VRTN: variants seen among roughly 807,000 people sequenced by gnomAD.
VRTN encodes vertnin.
Under a neutral mutation model 18.2 loss-of-function variants are expected in VRTN, and 5 were observed. That is an observed-to-expected ratio of 0.27 (90% CI 0.14 to 0.58). The LOEUF (loss-of-function observed/expected upper bound fraction) is 0.58, where lower values mean the gene tolerates loss of function less well. Ranked by LOEUF, VRTN falls within the 20% of genes least tolerant of loss-of-function variation. The probability of loss-of-function intolerance (pLI) is 0.91; values close to 1 mark genes in which losing one functional copy is unlikely to be tolerated. For synonymous variants in VRTN, 381 were observed against 393.7 expected (o/e 0.97, Z 0.38); for missense variants, 741 against 939.4 (o/e 0.79, Z 2.76).
At chr14:74,346,515 G>T (rs1433080162), upstream of VRTN, among the ~76,000 whole-genome samples, 2 of 152,050 alleles carry the variant, frequency 1.3e-5, no homozygotes, top group Non-Finnish European at 2.9e-5. Flanking sequence ...GTGGACTCAA[G>T]CAATCCTCTG....
intron 2 of VRTN, among the ~76,000 whole-genome samples, chr14:74,342,755 C>T (rs2085615365): frequency 6.6e-6 from 1 of 151,966 alleles, no homozygotes; most frequent in Non-Finnish European, 1.5e-5. Flanking sequence ...GTTGGGACTA[C>T]AGGCGCATGA....
At chr14:74,354,628 C>T (rs1163528889) in intron 1 of VRTN, among the ~76,000 whole-genome samples, 5 of 151,896 alleles carry the variant, frequency 3.3e-5, no homozygotes, top group African/African-American at 1.2e-4. Flanking sequence ...TGGTCTCGAT[C>T]TCCTGAGCTC....
At chr14:74,338,074 CT>C (rs2085577382) in intron 2 of VRTN, among the ~76,000 whole-genome samples, 1 of 152,006 alleles carries the variant, frequency 6.6e-6, no homozygotes, top group Admixed American at 6.6e-5. Flanking sequence ...ATTCTTTTTT[CT>C]GATTAAAAAA....
Position 74,357,308 on chromosome 14 carries a change from C to T in VRTN, c.525C>T (p.His175=). The T allele has an allele frequency of 1.2e-6, 2 of 1,613,592 alleles. No homozygotes were observed. Among genetic ancestry groups the T allele is most frequent in the Non-Finnish European group, 1.7e-6 (2 of 1,179,536 alleles). The part of the protein sequence containing the change: ...CFPSSFSNVW[H]LYALASVLQR... Reference sequence around the variant, plus strand: ...CCAGCAGCTTCTCCAACGTGTGGCACTTGTATGCTCTCGCCTCTGTCCTCC... The same window carrying T: ...CCAGCAGCTTCTCCAACGTGTGGCATTTGTATGCTCTCGCCTCTGTCCTCC... The change falls in exon 2 of 2, where the codon CAC becomes CAT. Residue 175 remains histidine (H), a synonymous_variant. Coordinates refer to ENST00000256362, the MANE Select transcript of VRTN (RefSeq NM_018228.3). The surrounding 1 kb of genome is among the most constrained non-coding windows in gnomAD (Gnocchi z 7.8).
At chr14:74,335,270 G>T (rs2085556307) in intron 1 of VRTN, among the ~76,000 whole-genome samples, 1 of 152,190 alleles carries the variant, frequency 6.6e-6, no homozygotes, top group Non-Finnish European at 1.5e-5. Flanking sequence ...GACAGAGCAA[G>T]AAAGAATAAC....
rs567706023 is a variant in VRTN, at chr14:74,353,413, A to T, written c.-1-3370A>T. On this transcript the variant is annotated intron_variant, in intron 1 of 1. Transcript: ENST00000256362. Reference sequence around the variant, plus strand: ...TGGGGATAATGGTAGTACTTAAAGTATTAGTGTCAGGATTAGGACAGTGCA... The same window carrying T: ...TGGGGATAATGGTAGTACTTAAAGTTTTAGTGTCAGGATTAGGACAGTGCA... Among the ~76,000 whole-genome samples the T allele has an allele frequency of 5.9e-5, 9 of 152,326 alleles. No individual in the cohort carries two copies. The South Asian group carries it at 1.9e-3, about 32-fold the overall frequency.
At chr14:74,346,673 G>C (rs2085646503), upstream of VRTN, among the ~76,000 whole-genome samples, 1 of 152,178 alleles carries the variant, frequency 6.6e-6, no homozygotes, top group Non-Finnish European at 1.5e-5. Flanking sequence ...AATATACTGA[G>C]ATGTTAACAA....
At chr14:74,323,355 G>A (rs2085468000) in intron 1 of VRTN, among the ~76,000 whole-genome samples, 2 of 151,804 alleles carry the variant, frequency 1.3e-5, no homozygotes, top group Admixed American at 1.3e-4. Context: ...AGGCCGAGGC[G>A]GGCAGATCGC....
intron 1 of VRTN, among the ~76,000 whole-genome samples, chr14:74,319,294 A>G (rs8018937): frequency 0.17 from 26,097 of 152,148 alleles, 2,955 homozygotes; most frequent in East Asian, 0.49. Flanking sequence ...TTGGCCTCCC[A>G]AAGTGCTGGG....
At chr14:74,316,904 T>G (rs948406467) in intron 1 of VRTN, among the ~76,000 whole-genome samples, 9 of 152,050 alleles carry the variant, frequency 5.9e-5, no homozygotes, top group Non-Finnish European at 1.2e-4. Context: ...CCCAAAGTGC[T>G]GGGATTACAG....
At chr14:74,308,545 G>A (rs1363995619) in intron 1 of VRTN, among the ~76,000 whole-genome samples, 2 of 151,562 alleles carry the variant, frequency 1.3e-5, no homozygotes, top group African/African-American at 2.4e-5. Flanking sequence ...ATGGAGTTTC[G>A]CTCTTGTTGC....
intron 1 of VRTN, among the ~76,000 whole-genome samples, chr14:74,353,847 C>G (rs904153161): frequency 2.6e-5 from 4 of 151,828 alleles, no homozygotes; most frequent in African/African-American, 7.3e-5. Flanking sequence ...CTCAGCCTCC[C>G]GAGTAGCTGG....
At chr14:74,330,968 G>A (rs1266090332) in intron 1 of VRTN, among the ~76,000 whole-genome samples, 3 of 151,480 alleles carry the variant, frequency 2.0e-5, no homozygotes, top group Non-Finnish European at 2.9e-5. Context: ...GAGAGGCCCA[G>A]GTGGGTGGAT....
intron 1 of VRTN, among the ~76,000 whole-genome samples, chr14:74,322,435 C>A (rs941685825): frequency 1.3e-5 from 2 of 152,172 alleles, no homozygotes; most frequent in Non-Finnish European, 2.9e-5. Context: ...CAGGCATGAG[C>A]CACTGCACCT....
upstream of VRTN, among the ~76,000 whole-genome samples, chr14:74,347,630 G>C (rs887429420): frequency 3.3e-5 from 5 of 152,214 alleles, no homozygotes; most frequent in African/African-American, 7.2e-5. Flanking sequence ...AAGCCCCTTG[G>C]GGGGAAGCTG....
At chr14:74,356,006 A>G (rs2085724911) in intron 1 of VRTN, among the ~76,000 whole-genome samples, 1 of 151,410 alleles carries the variant, frequency 6.6e-6, no homozygotes, top group Middle Eastern at 3.2e-3. Flanking sequence ...TAATTTTTGT[A>G]TTTTTTGTAG....
At chr14:74,336,673 C>T (rs1013216409) in intron 1 of VRTN, among the ~76,000 whole-genome samples, 4 of 152,110 alleles carry the variant, frequency 2.6e-5, no homozygotes, top group African/African-American at 7.2e-5. Flanking sequence ...AAAATGTTCC[C>T]TCCTGGTGAA....
chr14:74,356,399 G>A (rs925404908), intron 1 of VRTN, among the ~76,000 whole-genome samples: 1 of 152,120 alleles, frequency 6.6e-6, no homozygotes, highest in Non-Finnish European at 1.5e-5. Context: ...GGCCAGGCTG[G>A]TCTCGAACTC....
At chr14:74,323,157 T>C (rs952384101) in intron 1 of VRTN, among the ~76,000 whole-genome samples, 2 of 151,888 alleles carry the variant, frequency 1.3e-5, no homozygotes, top group East Asian at 1.9e-4. Context: ...CTGGGAATAT[T>C]GGAAGCCACA....
Sources: allele counts gnomAD v4.1 joint callset (sites outside exome capture counted in the v4.1 genomes callset), GRCh38; gene constraint gnomAD v4.1.1; non-coding constraint Gnocchi (gnomAD v3.1); transcripts MANE v1.5; gene names NCBI Gene and HGNC (gene_info 2026-07-23, HGNC 2026-07-21).